The following ANO3 variants were observed in gnomAD, a reference collection of about 807,000 sequenced individuals.
ANO3 encodes the protein anoctamin-3.
Under a neutral mutation model 144.8 loss-of-function variants are expected in ANO3, and 99 were observed. The ratio of observed to expected loss-of-function variants is 0.68; its 90% CI spans 0.58 to 0.81. The LOEUF is 0.81. ANO3 is among the 30% of genes least tolerant of loss of function. The pLI, the probability that ANO3 is intolerant of heterozygous loss-of-function variation, is 0.00. For missense variants in ANO3, 905 were observed against 1,202.2 expected (o/e 0.75, Z 3.66); for synonymous variants, 414 against 392.6 (o/e 1.05, Z -0.64).
chr11:26,596,082 G>A (rs916756401), intron 14 of ANO3, among the ~76,000 whole-genome samples: 10 of 152,126 alleles, frequency 6.6e-5, no homozygotes, highest in Admixed American at 2.0e-4. Flanking sequence ...ATAGGGTCAC[G>A]GAGAAGACCT....
At chr11:26,377,234 A>G (rs1459572605) in intron 1 of ANO3, among the ~76,000 whole-genome samples, 1 of 152,204 alleles carries the variant, frequency 6.6e-6, no homozygotes, top group Non-Finnish European at 1.5e-5. Context: ...GGAATGAACT[A>G]CAATGAACAT....
chr11:26,516,175 C>T (rs1455471843), intron 5 of ANO3, among the ~76,000 whole-genome samples: 3 of 151,710 alleles, frequency 2.0e-5, no homozygotes, highest in Admixed American at 2.0e-4. Context: ...TTTGTAAAAG[C>T]TCTTTACATA....
intron 22 of ANO3, among the ~76,000 whole-genome samples, chr11:26,642,311 C>T (rs962193403): frequency 6.6e-6 from 1 of 150,752 alleles, no homozygotes; most frequent in Non-Finnish European, 1.5e-5. Flanking sequence ...TAATGCTGAA[C>T]CAGTTTCTTT....
intron 24 of ANO3, among the ~76,000 whole-genome samples, chr11:26,648,695 G>A (rs893168736): frequency 1.3e-5 from 2 of 152,182 alleles, no homozygotes; most frequent in South Asian, 4.1e-4. Flanking sequence ...AAATGTAAGA[G>A]GGCATTGGAT....
chr11:26,435,738 A>G (rs1018608156), intron 1 of ANO3, among the ~76,000 whole-genome samples: 4 of 152,060 alleles, frequency 2.6e-5, no homozygotes, highest in African/African-American at 9.7e-5. Flanking sequence ...CAGCTCTATT[A>G]GATCAGTTAG....
chr11:26,502,698 A>G (rs1861245925), intron 4 of ANO3, among the ~76,000 whole-genome samples: 1 of 152,204 alleles, frequency 6.6e-6, no homozygotes, highest in South Asian at 2.1e-4. Flanking sequence ...TGCGCAAAAT[A>G]GAGCATTGTA....
rs1471544971 is a variant in ANO3 at position 26,453,195 on chromosome 11, C to A, written c.313+9359C>A. Reference sequence around the variant, plus strand: ...ACTAATGAGCAAAATAACCAGCTAACATCATAATGACAGGATCAAATTCAC... The same window carrying A: ...ACTAATGAGCAAAATAACCAGCTAAAATCATAATGACAGGATCAAATTCAC... On this transcript the variant is annotated intron_variant, in intron 3 of 26. Coordinates refer to ENST00000256737, the MANE Select transcript of ANO3 (RefSeq NM_031418.4). Among the ~76,000 whole-genome samples the A allele has an allele frequency of 3.3e-5, 5 of 152,258 alleles. No homozygotes were observed. In the South Asian group the frequency reaches 6.2e-4, roughly 19 times the overall value.
intron 1 of ANO3, among the ~76,000 whole-genome samples, chr11:26,359,149 T>A (rs1855859872): frequency 6.6e-6 from 1 of 152,248 alleles, no homozygotes; most frequent in South Asian, 2.1e-4. Flanking sequence ...TTTTACCTTG[T>A]AGAATGCTGG....
At chr11:26,340,778 TTA>T (rs377531588) in intron 1 of ANO3, among the ~76,000 whole-genome samples, 50 of 152,336 alleles carry the variant, frequency 3.3e-4, no homozygotes, top group African/African-American at 1.2e-3. Flanking sequence ...AAATGTAACT[TTA>T]GTGTTTTCCT....
chr11:26,581,908 T>C (rs757596729), intron 14 of ANO3, among the ~76,000 whole-genome samples: 3 of 152,194 alleles, frequency 2.0e-5, no homozygotes, highest in African/African-American at 4.8e-5. Flanking sequence ...GTTCTTGGTA[T>C]GTGTAACAAC....
Position 26,508,198 on chromosome 11 carries a change from A to T in ANO3, c.527A>T (p.Gln176Leu), listed in dbSNP as rs774563170. 20 of 1,606,050 alleles carry T rather than the reference A, an allele frequency of 1.2e-5. No individual in the cohort carries two copies. The Admixed American group carries it at 2.6e-4, about 21-fold the overall frequency. ...TTGGTTTATAGAAAGACAAATATAC[A>T]ATATGATAAAAGAAACACATTTGAA... ...YILVYRKTNI[Q>L]YDKRNTFEKN... Residue 176 changes from glutamine (Q) to leucine (L), a missense_variant, in exon 5 of 27, where the codon CAA becomes CTA. Physicochemically the swap from Gln to Leu is moderately radical, Grantham distance 113 (BLOSUM62 -2). This residue lies in a region of ANO3 where 63 missense variants were observed against 107.3 expected (regional missense o/e 0.59). Coordinates refer to ENST00000256737, the MANE Select transcript of ANO3 (RefSeq NM_031418.4).
At chr11:26,316,515 A>T (rs1854628923) in intron 1 of ANO3, among the ~76,000 whole-genome samples, 1 of 152,226 alleles carries the variant, frequency 6.6e-6, no homozygotes, top group African/African-American at 2.4e-5. Context: ...TTAGTAAGAC[A>T]CTAATCAGTA....
At chr11:26,216,114 T>A (rs1590198171) in intron 1 of ANO3, among the ~76,000 whole-genome samples, 2 of 152,164 alleles carry the variant, frequency 1.3e-5, no homozygotes, top group South Asian at 4.1e-4. Context: ...TGGAAGGCTT[T>A]GGTATAATAC....
chr11:26,279,162 A>T, intron 1 of ANO3, among the ~76,000 whole-genome samples: 1 of 152,280 alleles, frequency 6.6e-6, no homozygotes, highest in East Asian at 1.9e-4. Context: ...GAGTCTGTGA[A>T]GCTTTTTTCT....
chr11:26,189,021 C>T (rs1394212749), exon 1 of ANO3: 4 of 192,214 alleles, frequency 2.1e-5, no homozygotes, highest in Non-Finnish European at 3.8e-5. Flanking sequence ...GTCAGCTCTG[C>T]ATGTTTTATT....
intron 1 of ANO3, among the ~76,000 whole-genome samples, chr11:26,238,520 T>G (rs1487148964): frequency 2.0e-5 from 3 of 152,098 alleles, no homozygotes; most frequent in Admixed American, 2.0e-4. Context: ...TAAAAACAAT[T>G]GCATGTACAT....
upstream of ANO3, among the ~76,000 whole-genome samples, chr11:26,330,760 C>G (rs1484981530): frequency 1.3e-5 from 2 of 152,186 alleles, no homozygotes; most frequent in African/African-American, 4.8e-5. Context: ...TTGTTCAAAG[C>G]TATATTCCCC....
At chr11:26,447,910 G>A (rs1180874686) in intron 3 of ANO3, among the ~76,000 whole-genome samples, 3 of 152,124 alleles carry the variant, frequency 2.0e-5, no homozygotes, top group African/African-American at 4.8e-5. Context: ...TCAGTATGCT[G>A]GAAAATGACA....
At chr11:26,309,454 A>T (rs1854458261), upstream of ANO3, 2 of 155,846 alleles carry the variant, frequency 1.3e-5, no homozygotes, top group African/African-American at 2.4e-5. Context: ...TTAGTTTCTA[A>T]TGCAATTTAC....
Sources: allele counts gnomAD v4.1 joint callset (sites outside exome capture counted in the v4.1 genomes callset), GRCh38; gene constraint gnomAD v4.1.1; regional missense constraint gnomAD v4.1.1; transcripts MANE v1.5; gene names NCBI Gene and HGNC (gene_info 2026-07-23, HGNC 2026-07-21).